Variants in TDP1 observed in about 807,000 individuals in gnomAD.
TDP1 encodes the protein tyr-DNA phosphodiesterase 1.
Under a neutral mutation model 81.5 loss-of-function variants are expected in TDP1, and 64 were observed. The observed-to-expected ratio is 0.79, with a 90% CI of 0.64 to 0.97. The LOEUF (loss-of-function observed/expected upper bound fraction) is 0.97. Among genes scored for constraint, TDP1 ranks in the 50% least tolerant of loss-of-function variants. TDP1 has a pLI of 0.00. For synonymous variants in TDP1, 256 were observed against 264.3 expected (o/e 0.97, Z 0.30); for missense variants, 723 against 743.8 (o/e 0.97, Z 0.33).
Position 90,043,284 on chromosome 14 carries a change from G to T in TDP1, c.*141G>T. 1 of 919,556 alleles carries T rather than the reference G, an allele frequency of 1.1e-6. No individual in the cohort carries two copies. The highest frequency in any genetic ancestry group is 1.6e-5 in the African/African-American group (1 of 60,950). The allele number at this position is 919,556 out of a possible 1,614,324, so 57.0% of individuals were successfully genotyped here. A position where few individuals can be genotyped will look rare whatever the true frequency, so the allele number is the denominator to read the frequency against. ...TTTCCAAAGGTCACTCTTATGAATG[G>T]ATGTTGGTTATACTTTTAATGGACA... On this transcript the variant is annotated 3_prime_UTR_variant, in exon 17 of 17. Coordinates refer to ENST00000335725, the MANE Select transcript of TDP1 (RefSeq NM_018319.4).
intron 14 of TDP1, among the ~76,000 whole-genome samples, chr14:90,014,259 T>C (rs918534036): frequency 5.9e-5 from 9 of 152,246 alleles, no homozygotes; most frequent in African/African-American, 1.9e-4. Context: ...TGTATACCTG[T>C]ATACAACTTG....
intron 16 of TDP1, chr14:90,033,656 G>A: frequency 4.4e-6 from 1 of 227,626 alleles, no homozygotes; most frequent in African/African-American, 2.3e-5. Flanking sequence ...GACTACTAAA[G>A]TACTGTTTCT....
At chr14:90,005,755 T>C (rs779514966) in intron 14 of TDP1, among the ~76,000 whole-genome samples, 1 of 152,352 alleles carries the variant, frequency 6.6e-6, no homozygotes, top group Admixed American at 6.5e-5. Flanking sequence ...GACTAAAACA[T>C]TGGAACATTT....
rs397721425 is a variant in TDP1, at chr14:90,043,230, T to TAA, written c.*89_*90dup. 7.7e-3 allele frequency: 11,908 copies of TAA among 1,543,464 alleles called. 742 individuals carry two copies. In the African/African-American group the frequency reaches 0.14, roughly 18 times the overall value. On this transcript the variant is annotated 3_prime_UTR_variant, in exon 17 of 17. Transcript: ENST00000335725. ...CTTTGTACTGGATGTCCACTTCCCTTAAAGTCTTATTTGCACCCTTACAAA... is the reference window on the plus strand; with the variant it reads ...CTTTGTACTGGATGTCCACTTCCCTTAAAAAGTCTTATTTGCACCCTTACAAA...
At position 90,000,133 on chromosome 14, in the gene TDP1, C is replaced by T. The variant is rs180963696; in HGVS notation, c.1541+6650C>T. ...GCTTTCTTGTTGGCTGTCAGCCCGGCGTTCTCGGCTCCTAGGTGCTGCCCG... is the reference window on the plus strand; with the variant it reads ...GCTTTCTTGTTGGCTGTCAGCCCGGTGTTCTCGGCTCCTAGGTGCTGCCCG... On this transcript the variant is annotated intron_variant, in intron 14 of 16. Transcript: ENST00000335725. Among the ~76,000 whole-genome samples the T allele has an allele frequency of 2.1e-3, 320 of 152,256 alleles. 3 individuals carry two copies. Among genetic ancestry groups the T allele is most frequent in the African/African-American group, 7.0e-3 (290 of 41,532 alleles).
intron 16 of TDP1, among the ~76,000 whole-genome samples, chr14:90,039,201 G>C (rs1888120809): frequency 6.6e-6 from 1 of 152,198 alleles, no homozygotes; most frequent in South Asian, 2.1e-4. Context: ...ACAGAGAAAG[G>C]TGTTAATGGG....
intron 3 of TDP1, 79 bp downstream of exon 3, chr14:89,963,752 A>G: frequency 5.2e-6 from 8 of 1,527,510 alleles, no homozygotes; most frequent in Non-Finnish European, 6.3e-6. Flanking sequence ...AGGGCAGCCT[A>G]GAATAGTTTC....
At chr14:89,978,908 T>C (rs767817508) in intron 7 of TDP1, among the ~76,000 whole-genome samples, 7 of 152,252 alleles carry the variant, frequency 4.6e-5, no homozygotes, top group Non-Finnish European at 8.8e-5. Flanking sequence ...CTTGGGTTAA[T>C]TTCTCGTTTT....
chr14:89,975,644 T>G, intron 6 of TDP1, 137 bp from the exon 7 acceptor site: 2 of 986,862 alleles, frequency 2.0e-6, no homozygotes, highest in Non-Finnish European at 3.1e-6. Flanking sequence ...GTCTTGTTAT[T>G]CAAGGGCTTG....
chr14:89,986,676 A>G (rs990660013), intron 10 of TDP1, among the ~76,000 whole-genome samples: 2 of 152,188 alleles, frequency 1.3e-5, no homozygotes, highest in South Asian at 4.1e-4. Context: ...AGGCTTGTCC[A>G]GGATAGGGTG....
rs908256022 is a variant in TDP1 at position 89,964,732 on chromosome 14, A to G, written c.559+1059A>G. 7.3e-5 allele frequency: 23 copies of G among 313,368 alleles called. No homozygotes were observed. The East Asian group carries it at 1.3e-3, about 17-fold the overall frequency. 19.4% of individuals were successfully genotyped at this position (313,368 alleles called of 1,614,324 possible). ...TTTGTTTGTTTGAGACAGACTGACAAATATTTAGAGAATTTTGCCAAGTTT... is the reference window on the plus strand; with the variant it reads ...TTTGTTTGTTTGAGACAGACTGACAGATATTTAGAGAATTTTGCCAAGTTT... On this transcript the variant is annotated intron_variant, in intron 3 of 16. Coordinates refer to ENST00000335725, the MANE Select transcript of TDP1 (RefSeq NM_018319.4).
chr14:89,996,961 T>C lies in TDP1; in HGVS notation c.1541+3478T>C, dbSNP rs34443644. Among the ~76,000 whole-genome samples the C allele has an allele frequency of 7.0e-3, 1,064 of 152,358 alleles. 17 individuals carry two copies. Among genetic ancestry groups the C allele is most frequent in the African/African-American group, 0.025 (1,024 of 41,582 alleles). Reference sequence around the variant, plus strand: ...CTCAGCAAATATGTATTGCCCGCTGTGGCAAGAATAGAGTAATTAAGATGA... The same window carrying C: ...CTCAGCAAATATGTATTGCCCGCTGCGGCAAGAATAGAGTAATTAAGATGA... On this transcript the variant is annotated intron_variant, in intron 14 of 16. Transcript: ENST00000335725.
At position 90,038,904 on chromosome 14, in the gene TDP1, GT is replaced by G. The variant is rs10659096; in HGVS notation, c.1754-4154del. Among the ~76,000 whole-genome samples the G allele has an allele frequency of 1.7e-3, 242 of 146,486 alleles. 2 individuals carry two copies. The highest frequency in any genetic ancestry group is 2.7e-3 in the African/African-American group (109 of 40,434). ...TTTTTGAAAGATCTTCAGAAATGAA[GT>G]TTTTTTTTTTTAATGAAGTACCCCA... On this transcript the variant is annotated intron_variant, in intron 16 of 16. Coordinates refer to ENST00000335725, the MANE Select transcript of TDP1 (RefSeq NM_018319.4).
At chr14:90,020,362 C>CCCTCCCTCCCTG (rs1555394732) in intron 15 of TDP1, among the ~76,000 whole-genome samples, 11 of 126,310 alleles carry the variant, frequency 8.7e-5, no homozygotes, top group African/African-American at 1.9e-4. Flanking sequence ...CTTCCTCCCT[C>CCCTCCCTCCCTG]CCTCCCTCCC....
rs181663366 is a variant in TDP1 at position 90,043,339 on chromosome 14, T to C, written c.*196T>C. On this transcript the variant is annotated 3_prime_UTR_variant, in exon 17 of 17. Coordinates refer to ENST00000335725, the MANE Select transcript of TDP1 (RefSeq NM_018319.4). ...CATTCCTAATAAAGTATTAGTTTCT[T>C]AATTCACTTTTATATGTTTTGGAAA... 30 of 660,552 alleles carry C rather than the reference T, an allele frequency of 4.5e-5. No individual in the cohort carries two copies. The African/African-American group carries it at 5.1e-4, about 11-fold the overall frequency. The allele number at this position is 660,552 out of a possible 1,614,324, so 40.9% of individuals were successfully genotyped here.
At position 89,980,569 on chromosome 14, in the gene TDP1, G is replaced by T. The variant is rs752093573; in HGVS notation, c.821G>T (p.Gly274Val). The change falls in exon 8 of 17, where the codon GGC becomes GTC. Residue 274 changes from glycine to valine, a missense_variant. Coordinates refer to ENST00000335725, the MANE Select transcript of TDP1 (RefSeq NM_018319.4). ...ATGATGCTGCTGCTCTATGAAGAAG[G>T]CCTCCGGGTTGTCATACACACCTCC... is the stretch of plus-strand genomic sequence containing the variant. ...TKMMLLLYEE[G>V]LRVVIHTSNL... 9.3e-6 allele frequency: 15 copies of T among 1,614,038 alleles called. No individual in the cohort carries two copies. In the Admixed American group the frequency reaches 1.2e-4, roughly 13 times the overall value.
chr14:89,970,994 T>C (rs1893565577), intron 5 of TDP1, 181 bp from the exon 6 acceptor site: 1 of 176,710 alleles, frequency 5.7e-6, no homozygotes, highest in South Asian at 1.9e-4. Context: ...CGCACAACCA[T>C]GCCTTGTCTA....
At chr14:90,029,089 C>G (rs1886966928) in intron 15 of TDP1, among the ~76,000 whole-genome samples, 1 of 151,974 alleles carries the variant, frequency 6.6e-6, no homozygotes, top group Non-Finnish European at 1.5e-5. Flanking sequence ...GGAATTCTTC[C>G]TTTGTCATAG....
At chr14:90,033,408 A>G in intron 16 of TDP1, 194 bp downstream of exon 16, 1 of 669,174 alleles carries the variant, frequency 1.5e-6, no homozygotes, top group Non-Finnish European at 2.7e-6. Flanking sequence ...TTGCACTCCT[A>G]TAATTACTAT....
Sources: allele counts gnomAD v4.1 joint callset (sites outside exome capture counted in the v4.1 genomes callset), GRCh38; gene constraint gnomAD v4.1.1; transcripts MANE v1.5; gene names NCBI Gene and HGNC (gene_info 2026-07-23, HGNC 2026-07-21).